Variants in VSIG10 observed in about 807,000 individuals in gnomAD.
The protein encoded by VSIG10 is V-set and immunoglobulin domain containing 10, also known as V-set and immunoglobulin domain-containing protein 10.
Under a neutral mutation model 58.7 loss-of-function variants are expected in VSIG10, and 48 were observed. The observed-to-expected ratio is 0.82, with a 90% CI of 0.65 to 1.04. VSIG10 has a LOEUF of 1.04. Among genes scored for constraint, VSIG10 ranks in the 50% least tolerant of loss-of-function variants. VSIG10 has a pLI of 0.00. For missense variants in VSIG10, 628 were observed against 670.0 expected, an observed-to-expected ratio of 0.94 and a Z score of 0.69; for synonymous variants, 260 against 267.1, an observed-to-expected ratio of 0.97 and a Z score of 0.26.
chr12:118,100,507 G>A (rs1340975360), intron 1 of VSIG10, among the ~76,000 whole-genome samples: 1 of 151,368 alleles, frequency 6.6e-6, no homozygotes, highest in Non-Finnish European at 1.5e-5. Context: ...AAAAAAAAAA[G>A]CAGATAAGAA....
chr12:118,102,470 T>A (rs1334571889), intron 1 of VSIG10: 1 of 152,070 alleles, frequency 6.6e-6, no homozygotes, highest in Non-Finnish European at 1.5e-5. Flanking sequence ...TCATATGCCC[T>A]AGATAAGAGG....
At chr12:118,092,496 C>T (rs1011206659) in intron 2 of VSIG10, among the ~76,000 whole-genome samples, 11 of 152,138 alleles carry the variant, frequency 7.2e-5, no homozygotes, top group African/African-American at 2.7e-4. Context: ...CCCATAGGAT[C>T]TATGTTAACA....
intron 4 of VSIG10, among the ~76,000 whole-genome samples, chr12:118,078,542 C>T (rs1318480260): frequency 6.6e-6 from 1 of 151,900 alleles, no homozygotes; most frequent in African/African-American, 2.4e-5. Flanking sequence ...TAAGCTGGCT[C>T]CCCTTTACCT....
rs35469920 is a variant in VSIG10 at position 118,078,937 on chromosome 12, TAAAAAAAAAA to T, written c.925+399_925+408del. Among the ~76,000 whole-genome samples, 4 of 39,920 alleles carry T rather than the reference TAAAAAAAAAA, an allele frequency of 1.0e-4. No individual in the cohort carries two copies. The South Asian group carries it at 4.0e-3, about 40-fold the overall frequency. The allele number at this position is 39,920 out of a possible 152,430, so 26.2% of individuals were successfully genotyped here. A position where few individuals can be genotyped will look rare whatever the true frequency, so the allele number is the denominator to read the frequency against. On this transcript the variant is annotated intron_variant, in intron 4 of 8. Coordinates refer to ENST00000359236, the MANE Select transcript of VSIG10 (RefSeq NM_019086.6). ...CTGGGCAACAGAGCAAGACTCTGCC[TAAAAAAAAAA>T]AAAAAAAAAAAAAAAAAAAAATTTT...
intron 1 of VSIG10, among the ~76,000 whole-genome samples, 152 bp downstream of exon 1, chr12:118,103,441 G>A (rs2033671811): frequency 6.6e-6 from 1 of 152,130 alleles, no homozygotes; most frequent in African/African-American, 2.4e-5. Context: ...CGGCCGAGCT[G>A]CGAGCAGGAA....
At chr12:118,096,806 A>T (rs947679817) in intron 1 of VSIG10, among the ~76,000 whole-genome samples, 2 of 151,926 alleles carry the variant, frequency 1.3e-5, no homozygotes, top group Non-Finnish European at 2.9e-5. Context: ...TGGGAGTCCA[A>T]GACAGGCAGA....
intron 5 of VSIG10, among the ~76,000 whole-genome samples, chr12:118,071,896 G>A (rs752528535): frequency 1.3e-5 from 2 of 152,228 alleles, no homozygotes; most frequent in African/African-American, 4.8e-5. Context: ...GAGCCCGGGC[G>A]CAGTGGCGCA....
rs2032241491 is a variant in VSIG10, at chr12:118,066,240, C to G, written c.*399G>C. 2 of 135,234 alleles carry G rather than the reference C, an allele frequency of 1.5e-5. No individual in the cohort carries two copies. Among genetic ancestry groups the G allele is most frequent in the Admixed American group, 1.8e-4 (2 of 10,932 alleles). The allele number at this position is 135,234 out of a possible 1,614,324, so 8.4% of individuals were successfully genotyped here. On this transcript the variant is annotated 3_prime_UTR_variant, in exon 9 of 9. Transcript: ENST00000359236. ...CAGCCTGGGCAATAGAGGGAGACTC[C>G]GTCTCAAAAAAAAAAAAAAAAAAAA... is the stretch of plus-strand genomic sequence containing the variant.
chr12:118,073,941 T>G lies in VSIG10; in HGVS notation c.977A>C (p.Asn326Thr). Reference sequence around the variant, plus strand: ...AGACACCTGGCATGTAAGCGTCACATTGCCCCCAGTGAAGCAAGTCTTCAT... The same window carrying G: ...AGACACCTGGCATGTAAGCGTCACAGTGCCCCCAGTGAAGCAAGTCTTCAT... ...EPMKTCFTGGNVTLTCQVSGA... is the reference protein window; with the variant it reads ...EPMKTCFTGGTVTLTCQVSGA... Residue 326 changes from asparagine to threonine, a missense_variant, in exon 5 of 9, where the codon AAT (asparagine) becomes ACT (threonine). By Grantham distance (65) the Asn-to-Thr change is moderately conservative. Transcript: ENST00000359236. The G allele has an allele frequency of 6.2e-7, 1 of 1,606,346 alleles. No homozygotes were observed. Among genetic ancestry groups the G allele is most frequent in the East Asian group, 2.2e-5 (1 of 44,754 alleles).
At chr12:118,082,501 T>C (rs2032991975) in intron 2 of VSIG10, 72 bp from the exon 3 acceptor site, 3 of 1,434,600 alleles carry the variant, frequency 2.1e-6, no homozygotes, top group Non-Finnish European at 2.8e-6. Context: ...CCAACTCTAA[T>C]ATATAAATGA....
chr12:118,083,104 C>T (rs1336003021), intron 2 of VSIG10, among the ~76,000 whole-genome samples: 1 of 105,964 alleles, frequency 9.4e-6, no homozygotes, highest in Non-Finnish European at 1.8e-5. Flanking sequence ...CACAGCAAGT[C>T]TCCGTCTCAC....
chr12:118,094,935 CA>C (rs1349776173), intron 2 of VSIG10, among the ~76,000 whole-genome samples: 3 of 140,074 alleles, frequency 2.1e-5, no homozygotes, highest in Non-Finnish European at 4.6e-5. Flanking sequence ...GACGGAGTCT[CA>C]CTCTGTTGCC....
chr12:118,100,366 G>A (rs149892146), intron 1 of VSIG10, among the ~76,000 whole-genome samples: 2,877 of 152,032 alleles, frequency 0.019, 86 homozygotes, highest in African/African-American at 0.066. Context: ...GCGTGGTGGC[G>A]CACACCTGTA....
intron 4 of VSIG10, 127 bp from the exon 5 acceptor site, chr12:118,074,119 G>A: frequency 8.7e-7 from 1 of 1,152,050 alleles, no homozygotes; most frequent in Non-Finnish European, 1.2e-6. Context: ...GTTTTGCTCT[G>A]TTGCCCAGGC....
chr12:118,082,623 T>G (rs1041186295), intron 2 of VSIG10, among the ~76,000 whole-genome samples, 194 bp from the exon 3 acceptor site: 6 of 152,122 alleles, frequency 3.9e-5, no homozygotes, highest in Non-Finnish European at 7.4e-5. Flanking sequence ...ATGTGAGACT[T>G]TTTTAGGGGG....
rs1354439903 is a variant in VSIG10 at position 118,095,911 on chromosome 12, C to T, written c.80-97G>A. On this transcript the variant is annotated intron_variant, in intron 1 of 8. Transcript: ENST00000359236. ...CCTGTATTAGGATTTTTTTAAAAAT[C>T]AGGTATATGTTCTTTTTTTTTTTTT... 1.6e-5 allele frequency: 13 copies of T among 802,370 alleles called. No homozygotes were observed. The East Asian group carries it at 4.0e-4, about 25-fold the overall frequency. The allele number at this position is 802,370 out of a possible 1,614,324, so 49.7% of individuals were successfully genotyped here. A position where few individuals can be genotyped will look rare whatever the true frequency, so the allele number is the denominator to read the frequency against.
chr12:118,082,550 T>C, intron 2 of VSIG10, 121 bp from the exon 3 acceptor site: 1 of 1,011,356 alleles, frequency 9.9e-7, no homozygotes, highest in Non-Finnish European at 1.4e-6. Flanking sequence ...ATCTATCTAA[T>C]ACTAGGTGAC....
chr12:118,075,108 GTGTATA>G (rs1455821942), intron 4 of VSIG10, among the ~76,000 whole-genome samples: 1 of 148,096 alleles, frequency 6.8e-6, no homozygotes, highest in African/African-American at 2.5e-5. Flanking sequence ...ATGTATATAT[GTGTATA>G]TGTATATATA....
chr12:118,094,775 C>T (rs1466830068), intron 2 of VSIG10, among the ~76,000 whole-genome samples: 1 of 149,338 alleles, frequency 6.7e-6, no homozygotes, highest in African/African-American at 2.5e-5. Flanking sequence ...CTTGCTCTGT[C>T]GCCCAAGCTG....
Sources: allele counts gnomAD v4.1 joint callset (sites outside exome capture counted in the v4.1 genomes callset), GRCh38; gene constraint gnomAD v4.1.1; transcripts MANE v1.5; gene names NCBI Gene and HGNC (gene_info 2026-07-23, HGNC 2026-07-21).